GRIN2A: variants seen among roughly 807,000 people sequenced by gnomAD.
GRIN2A encodes the protein glutamate ionotropic receptor NMDA type subunit 2A.
GRIN2A carries 22 observed loss-of-function variants against 113.4 expected under a neutral mutation model. That is an observed-to-expected ratio of 0.19 (90% CI 0.14 to 0.28). GRIN2A has a LOEUF of 0.28. GRIN2A is among the 10% of genes least tolerant of loss of function. The pLI is 1.00. For synonymous variants in GRIN2A, 827 were observed against 738.4 expected (o/e 1.12, Z -1.94); for missense variants, 1,502 against 1,887.0 (o/e 0.80, Z 3.78).
intron 11 of GRIN2A, among the ~76,000 whole-genome samples, chr16:9,795,976 C>G (rs1322040162): frequency 6.6e-6 from 1 of 152,208 alleles, no homozygotes; most frequent in African/African-American, 2.4e-5. Context: ...TTGCCACTTA[C>G]TAGCTAGGGG....
chr16:10,131,450 T>C (rs1171608014), intron 2 of GRIN2A, among the ~76,000 whole-genome samples: 1 of 149,358 alleles, frequency 6.7e-6, no homozygotes, highest in Non-Finnish European at 1.5e-5. Context: ...GCCGCTCCAG[T>C]CTCTTCTCAC....
chr16:10,011,129 T>C (rs2046496699), intron 2 of GRIN2A, among the ~76,000 whole-genome samples: 1 of 152,228 alleles, frequency 6.6e-6, no homozygotes, highest in African/African-American at 2.4e-5. Flanking sequence ...TTCTTATTTA[T>C]GAATCAGTTT....
At chr16:10,146,206 C>T (rs185496062) in intron 2 of GRIN2A, among the ~76,000 whole-genome samples, 252 of 152,230 alleles carry the variant, frequency 1.7e-3, no homozygotes, top group African/African-American at 5.7e-3. Context: ...CAACCTCCAC[C>T]TCCCGGGTTC....
intron 2 of GRIN2A, among the ~76,000 whole-genome samples, chr16:9,939,576 T>A (rs925979052): frequency 6.6e-6 from 1 of 152,142 alleles, no homozygotes; most frequent in African/African-American, 2.4e-5. Context: ...TGGTACAATA[T>A]ACAAACTGCC....
Position 9,856,689 on chromosome 16 carries a change from C to T in GRIN2A, c.1123-6728G>A, listed in dbSNP as rs114274962. Among the ~76,000 whole-genome samples the T allele has an allele frequency of 9.7e-3, 1,463 of 151,468 alleles. 8 individuals carry two copies. The highest frequency in any genetic ancestry group is 0.018 in the African/African-American group (727 of 41,292). On this transcript the variant is annotated intron_variant, in intron 4 of 12. Transcript: ENST00000330684. The stretch of plus-strand genomic sequence containing the variant: ...ATAAGTCTTTCCGTTTCTACTATTC[C>T]GAAAGCTTTAATAATTTCTGTAATC...
chr16:9,862,868 C>T (rs1451125759), intron 4 of GRIN2A, among the ~76,000 whole-genome samples: 3 of 152,174 alleles, frequency 2.0e-5, no homozygotes, highest in South Asian at 2.1e-4. Flanking sequence ...GTGCAAGTTC[C>T]GTATCAGTCC....
intron 2 of GRIN2A, among the ~76,000 whole-genome samples, chr16:10,043,842 G>T (rs1460861212): frequency 1.3e-5 from 2 of 151,650 alleles, no homozygotes; most frequent in Non-Finnish European, 2.9e-5. Flanking sequence ...CTTGCCCACT[G>T]CTTGATCAAT....
intron 2 of GRIN2A, among the ~76,000 whole-genome samples, chr16:10,158,553 T>G (rs2049749487): frequency 6.6e-6 from 1 of 152,202 alleles, no homozygotes; most frequent in Non-Finnish European, 1.5e-5. Context: ...ATAAATTAAA[T>G]ATAGTATATC....
chr16:10,034,887 C>T (rs1349601038), intron 2 of GRIN2A, among the ~76,000 whole-genome samples: 3 of 152,240 alleles, frequency 2.0e-5, no homozygotes, highest in Non-Finnish European at 2.9e-5. Context: ...TTGAATATCA[C>T]ACATATACCC....
intron 2 of GRIN2A, among the ~76,000 whole-genome samples, chr16:10,038,841 C>A (rs572350187): frequency 2.2e-5 from 3 of 138,044 alleles, no homozygotes; most frequent in Non-Finnish European, 4.7e-5. Flanking sequence ...GAATGAGACT[C>A]CTTCTCAAAA....
At chr16:10,007,599 A>G (rs1452504488) in intron 2 of GRIN2A, among the ~76,000 whole-genome samples, 1 of 151,888 alleles carries the variant, frequency 6.6e-6, no homozygotes, top group Non-Finnish European at 1.5e-5. Flanking sequence ...CGCTTTCTTG[A>G]CCGTTTGCTG....
At chr16:9,876,448 G>C (rs2043368073) in intron 4 of GRIN2A, among the ~76,000 whole-genome samples, 1 of 152,092 alleles carries the variant, frequency 6.6e-6, no homozygotes, top group South Asian at 2.1e-4. Flanking sequence ...CCAATAAATA[G>C]TGTGGGCTTC....
At chr16:9,795,414 C>T (rs1034747368) in intron 11 of GRIN2A, among the ~76,000 whole-genome samples, 5 of 152,150 alleles carry the variant, frequency 3.3e-5, no homozygotes, top group Non-Finnish European at 7.4e-5. Flanking sequence ...TAATCCACCC[C>T]GTGTTTAGCA....
chr16:10,015,904 A>T (rs1567235487), intron 2 of GRIN2A, among the ~76,000 whole-genome samples: 1 of 151,950 alleles, frequency 6.6e-6, no homozygotes. Context: ...TCGAGGTGGG[A>T]GGATCACCTG....
chr16:9,941,318 G>C (rs2044869914), intron 2 of GRIN2A, among the ~76,000 whole-genome samples: 1 of 152,146 alleles, frequency 6.6e-6, no homozygotes, highest in Non-Finnish European at 1.5e-5. Context: ...CCCATGAAAA[G>C]GTCTGTGCAC....
At position 10,103,645 on chromosome 16, in the gene GRIN2A, C is replaced by G. The variant is rs77634370; in HGVS notation, c.414+76353G>C. 9.5e-3 allele frequency among the ~76,000 whole-genome samples: 1,450 copies of G among 152,240 alleles called. 25 individuals are homozygous for G. The highest frequency in any genetic ancestry group is 0.033 in the African/African-American group (1,368 of 41,560). On this transcript the variant is annotated intron_variant, in intron 2 of 12. Coordinates refer to ENST00000330684, the MANE Select transcript of GRIN2A (RefSeq NM_001134407.3). ...TAATAACCTCAGAAAATCTACAAAA[C>G]AAGAGAGTCCATATGTATGCCGGAA... is the stretch of plus-strand genomic sequence containing the variant.
At position 9,938,076 on chromosome 16, in the gene GRIN2A, C is replaced by G. The variant is rs775591257; in HGVS notation, c.890G>C (p.Gly297Ala). The G allele has an allele frequency of 6.2e-7, 1 of 1,613,948 alleles. No homozygotes were observed. The highest frequency in any genetic ancestry group is 8.5e-7 in the Non-Finnish European group (1 of 1,179,858). ...SLEARVRDGI[G>A]ILTTAASSML... ...AGAAGATGCAGCGGTGGTTAGGATGCCAATGCCGTCCCTCACTCTCGCCTC... is the reference window on the plus strand; with the variant it reads ...AGAAGATGCAGCGGTGGTTAGGATGGCAATGCCGTCCCTCACTCTCGCCTC... Residue 297 changes from glycine (G) to alanine (A), a missense_variant, in exon 3 of 13, where the codon GGC becomes GCC. This residue lies in a region of GRIN2A where 334 missense variants were observed against 403.0 expected (regional missense o/e 0.83). Coordinates refer to ENST00000330684, the MANE Select transcript of GRIN2A (RefSeq NM_001134407.3).
At chr16:10,118,065 G>C (rs763157871) in intron 2 of GRIN2A, among the ~76,000 whole-genome samples, 8 of 152,120 alleles carry the variant, frequency 5.3e-5, no homozygotes, top group Non-Finnish European at 1.2e-4. Flanking sequence ...TCTTCCTTCT[G>C]AGGTGGCCAA....
intron 2 of GRIN2A, among the ~76,000 whole-genome samples, chr16:10,012,019 A>G (rs2046514770): frequency 6.6e-6 from 1 of 152,196 alleles, no homozygotes; most frequent in African/African-American, 2.4e-5. Flanking sequence ...GTGATGCACT[A>G]ATTAGTTAGG....
Sources: allele counts gnomAD v4.1 joint callset (sites outside exome capture counted in the v4.1 genomes callset), GRCh38; gene constraint gnomAD v4.1.1; regional missense constraint gnomAD v4.1.1; transcripts MANE v1.5; gene names NCBI Gene and HGNC (gene_info 2026-07-23, HGNC 2026-07-21).